The following ZNF343 variants were observed in gnomAD, a reference collection of about 807,000 sequenced individuals.
ZNF343 encodes the protein zinc finger protein 343.
Under a neutral mutation model 13.8 loss-of-function variants are expected in ZNF343, and 11 were observed. That is an observed-to-expected ratio of 0.80 (90% CI 0.50 to 1.32). The LOEUF is 1.32. Ranked by LOEUF, ZNF343 falls within the 40% of genes most tolerant of loss-of-function variation. The probability of loss-of-function intolerance (pLI) is 0.00; values close to 1 mark genes in which losing one functional copy is unlikely to be tolerated. For synonymous variants in ZNF343, 248 were observed against 260.0 expected, an observed-to-expected ratio of 0.95 and a Z score of 0.44; for missense variants, 658 against 714.2, an observed-to-expected ratio of 0.92 and a Z score of 0.90.
rs2085767323 is a variant in ZNF343, at chr20:2,518,108, G to C, written c.-347+6347C>G. Among the ~76,000 whole-genome samples the C allele has an allele frequency of 6.6e-6, 1 of 151,424 alleles. No individual in the cohort carries two copies. ...GGCTCACTGTAACCTCTGCCTCCCA[G>C]GCTCAAGTGATTCCCCTTCCTCAGC... On this transcript the variant is annotated intron_variant, in intron 1 of 6. Coordinates refer to the ZNF343 transcript ENST00000358413. The surrounding 1 kb of genome is among the most constrained non-coding windows in gnomAD (Gnocchi z 4.6).
chr20:2,499,464 C>CAAAAAAA (rs35155995), intron 2 of ZNF343, among the ~76,000 whole-genome samples: 4 of 66,536 alleles, frequency 6.0e-5, no homozygotes, highest in Middle Eastern at 0.01. Flanking sequence ...GACTCCGTCT[C>CAAAAAAA]AAAAAAAAAA....
chr20:2,496,327 G>A (rs2085458451), intron 2 of ZNF343, among the ~76,000 whole-genome samples: 1 of 152,188 alleles, frequency 6.6e-6, no homozygotes, highest in African/African-American at 2.4e-5. Flanking sequence ...CCTAGGGCAG[G>A]AGTGAGCCCT....
chr20:2,489,563 TC>T (rs2085334030), intron 5 of ZNF343, among the ~76,000 whole-genome samples: 1 of 152,176 alleles, frequency 6.6e-6, no homozygotes, highest in Non-Finnish European at 1.5e-5. Context: ...TTGCTCTTTT[TC>T]CCTCTACCTT....
At chr20:2,487,568 A>G (rs1318614169) in intron 5 of ZNF343, among the ~76,000 whole-genome samples, 2 of 152,212 alleles carry the variant, frequency 1.3e-5, no homozygotes, top group African/African-American at 2.4e-5. Flanking sequence ...TTCTTCAACC[A>G]ATTTACTACA....
intron 1 of ZNF343, among the ~76,000 whole-genome samples, chr20:2,519,898 TGTAA>T (rs2085775306): frequency 1.3e-5 from 2 of 152,208 alleles, no homozygotes; most frequent in South Asian, 4.1e-4. Context: ...CCTAATTTGT[TGTAA>T]GTCACAAAAA....
chr20:2,488,855 G>A (rs62192947), intron 5 of ZNF343, among the ~76,000 whole-genome samples: 3,101 of 152,136 alleles, frequency 0.02, 58 homozygotes, highest in East Asian at 0.11. Context: ...GACCAGCCTG[G>A]GCAACATGGC....
chr20:2,495,901 C>T (rs1282778737), intron 2 of ZNF343, among the ~76,000 whole-genome samples: 2 of 152,050 alleles, frequency 1.3e-5, no homozygotes, highest in East Asian at 1.9e-4. Flanking sequence ...AGGCTGGTCT[C>T]GAACTCCTGA....
intron 5 of ZNF343, 37 bp downstream of exon 5, chr20:2,492,662 C>T (rs944761771): frequency 1.3e-6 from 2 of 1,598,562 alleles, no homozygotes; most frequent in Non-Finnish European, 1.7e-6. Flanking sequence ...TAAATCTCTA[C>T]TGAATTAATG....
In ZNF343 at chr20:2,484,015, G is replaced by C; in HGVS notation, c.946C>G (p.Gln316Glu). Residue 316 changes from glutamine to glutamate, a missense_variant, in exon 6 of 6, where the codon CAG (glutamine) becomes GAG (glutamate). Coordinates refer to ENST00000278772, the MANE Select transcript of ZNF343 (RefSeq NM_024325.6). Reference sequence around the variant, plus strand: ...GGCTTCTCTTCTGAATGTGTTCTCTGGTGTCTGCTGAGGTTGGACTTCTGG... The same window carrying C: ...GGCTTCTCTTCTGAATGTGTTCTCTCGTGTCTGCTGAGGTTGGACTTCTGG... ...FSQKSNLSRH[Q>E]RTHSEEKPYL... 1 of 1,614,132 alleles carries C rather than the reference G, an allele frequency of 6.2e-7. No individual in the cohort carries two copies. The highest frequency in any genetic ancestry group is 8.5e-7 in the Non-Finnish European group (1 of 1,180,036).
At position 2,518,206 on chromosome 20, in the gene ZNF343, G is replaced by A. The variant is rs980937944; in HGVS notation, c.-347+6249C>T. On this transcript the variant is annotated intron_variant, in intron 1 of 6. Coordinates refer to the ZNF343 transcript ENST00000358413. The surrounding 1 kb of genome is among the most constrained non-coding windows in gnomAD (Gnocchi z 4.6). The stretch of plus-strand genomic sequence containing the variant: ...CTTTTTGTATTTTTTTAGTAGAGAC[G>A]TAGTTTCGCCATGTTGACCAGGCTT... Among the ~76,000 whole-genome samples, 20 of 152,090 alleles carry A rather than the reference G, an allele frequency of 1.3e-4. No homozygotes were observed. Among genetic ancestry groups the A allele is most frequent in the South Asian group, 1.0e-3 (5 of 4,818 alleles).
At chr20:2,496,856 A>G (rs143721940) in intron 2 of ZNF343, among the ~76,000 whole-genome samples, 57,046 of 151,604 alleles carry the variant, frequency 0.38, 11,370 homozygotes, top group Non-Finnish European at 0.45. Flanking sequence ...CGAGGTGGGC[A>G]GATCACCTGA....
upstream of ZNF343, chr20:2,509,233 GCTGT>G (rs1389181102): frequency 1.3e-5 from 2 of 152,208 alleles, no homozygotes; most frequent in Non-Finnish European, 2.9e-5. Context: ...GGAGCAATGC[GCTGT>G]CTGTCAGGCG....
intron 1 of ZNF343, among the ~76,000 whole-genome samples, chr20:2,519,817 G>C (rs988644416): frequency 6.6e-6 from 1 of 152,124 alleles, no homozygotes; most frequent in Non-Finnish European, 1.5e-5. Context: ...CAACTGTTCT[G>C]TTTAGTTTCA....
intron 1 of ZNF343, among the ~76,000 whole-genome samples, chr20:2,519,717 T>C (rs2085774544): frequency 6.6e-6 from 1 of 152,102 alleles, no homozygotes; most frequent in Non-Finnish European, 1.5e-5. Context: ...TTCATCTAAA[T>C]ATGCTCTAAC....
chr20:2,488,284 G>T (rs2085313463), intron 5 of ZNF343, among the ~76,000 whole-genome samples: 1 of 150,852 alleles, frequency 6.6e-6, no homozygotes, highest in African/African-American at 2.4e-5. Flanking sequence ...TAGTCATTTG[G>T]GATTTTTCTT....
chr20:2,509,720 C>G (rs994279628), upstream of ZNF343, among the ~76,000 whole-genome samples: 1 of 152,182 alleles, frequency 6.6e-6, no homozygotes, highest in Non-Finnish European at 1.5e-5. Flanking sequence ...CTGGGCTACG[C>G]TGGTACCTTC....
chr20:2,482,894 C>T lies in ZNF343; in HGVS notation c.*267G>A, dbSNP rs2085188895. The stretch of plus-strand genomic sequence containing the variant: ...ATTATTGCTAAAGCCTTCCCACAGT[C>T]CCTACACATAAACTTCTCTCCTAAG... On this transcript the variant is annotated 3_prime_UTR_variant, in exon 6 of 6. Coordinates refer to ENST00000278772, the MANE Select transcript of ZNF343 (RefSeq NM_024325.6). 8.3e-6 allele frequency: 4 copies of T among 482,450 alleles called. No homozygotes were observed. The highest frequency in any genetic ancestry group is 1.5e-5 in the Non-Finnish European group (4 of 272,074). The allele number at this position is 482,450 out of a possible 1,614,324, so 29.9% of individuals were successfully genotyped here.
Position 2,484,118 on chromosome 20 carries a change from T to G in ZNF343, c.843A>C (p.Arg281Ser). 1 of 1,614,172 alleles carries G rather than the reference T, an allele frequency of 6.2e-7. No homozygotes were observed. The part of the protein sequence containing the change: ...CSDCGRSFKD[R>S]STLIRHHRIH... ...TACGATGGTGTCTGATGAGGGTTGA[T>G]CTATCTTTAAAGCTTCGCCCACAAT... is the stretch of plus-strand genomic sequence containing the variant. Residue 281 changes from arginine to serine, a missense_variant, in exon 6 of 6, where the codon AGA (arginine) becomes AGC (serine). Transcript: ENST00000278772.
chr20:2,506,945 T>A (rs1389022345), intron 1 of ZNF343, among the ~76,000 whole-genome samples: 2 of 146,846 alleles, frequency 1.4e-5, no homozygotes, highest in Non-Finnish European at 1.5e-5. Context: ...TAAAGTATAA[T>A]AAAAAAAAAA....
Sources: gnomAD v4.1 joint callset for allele counts (sites outside exome capture counted in the v4.1 genomes callset) on GRCh38, gnomAD v4.1.1 for gene constraint, Gnocchi (gnomAD v3.1) non-coding constraint, MANE v1.5 for transcripts, NCBI Gene and HGNC (gene_info 2026-07-23, HGNC 2026-07-21) for gene names.